Variants in BLK observed in about 807,000 individuals in gnomAD.
BLK encodes tyrosine-protein kinase Blk.
A neutral mutation model predicts 61.8 loss-of-function variants in BLK; 64 were observed. The observed-to-expected ratio is 1.03, with a 90% CI of 0.85 to 1.27. The LOEUF is 1.27. BLK is among the 50% of genes most tolerant of loss of function. BLK has a pLI of 0.00. For synonymous variants in BLK, 351 were observed against 272.0 expected (o/e 1.29, Z -2.86); for missense variants, 853 against 660.5 (o/e 1.29, Z -3.19).
intron 1 of BLK, among the ~76,000 whole-genome samples, chr8:11,542,116 T>C (rs1247768958): frequency 6.6e-6 from 1 of 152,236 alleles, no homozygotes; most frequent in Non-Finnish European, 1.5e-5. Flanking sequence ...TTCAGCTCTC[T>C]GGAAGAAATG....
chr8:11,552,206 C>T (rs985275895), intron 6 of BLK, among the ~76,000 whole-genome samples: 1 of 152,106 alleles, frequency 6.6e-6, no homozygotes, highest in African/African-American at 2.4e-5. Context: ...AGTGGAAACC[C>T]AGAGTATGAA....
chr8:11,522,412 G>A (rs773674894), intron 1 of BLK, among the ~76,000 whole-genome samples: 7 of 152,154 alleles, frequency 4.6e-5, no homozygotes, highest in Non-Finnish European at 8.8e-5. Flanking sequence ...ATTGCTGGTG[G>A]GATGATAAAT....
intron 1 of BLK, among the ~76,000 whole-genome samples, chr8:11,520,293 A>G (rs1164957589): frequency 2.6e-5 from 4 of 151,978 alleles, no homozygotes; most frequent in Admixed American, 2.0e-4. Context: ...TGTGGTCAAC[A>G]TGGTGAAAAC....
intron 1 of BLK, among the ~76,000 whole-genome samples, chr8:11,517,427 G>A (rs1799271687): frequency 6.6e-6 from 1 of 152,196 alleles, no homozygotes; most frequent in Non-Finnish European, 1.5e-5. Context: ...AGCACTTGGT[G>A]ACATTGTCAG....
rs1800611560 is a variant in BLK, at chr8:11,545,887, T to TC, written c.124-162dup. 5.1e-6 allele frequency: 4 copies of TC among 783,960 alleles called. No homozygotes were observed. The South Asian group carries it at 5.8e-5, about 11-fold the overall frequency. The allele number at this position is 783,960 out of a possible 1,614,324, so 48.6% of individuals were successfully genotyped here. ...GGGGTCTGTCTGAGGGTAGTGCTGG[T>TC]CCCTGGGTACAGAATGTCCCTGAGC... is the stretch of plus-strand genomic sequence containing the variant. On this transcript the variant is annotated intron_variant, in intron 2 of 12. Transcript: ENST00000259089.
In BLK at chr8:11,555,402, C is replaced by A; in HGVS notation, c.690C>A (p.Ala230=). 6.2e-7 allele frequency: 1 copy of A among 1,614,134 alleles called. No individual in the cohort carries two copies. The highest frequency in any genetic ancestry group is 8.5e-7 in the Non-Finnish European group (1 of 1,180,016). ...GCCCGGCCCCGCAGAATCCCTGGGC[C>A]CAGGATGAATGGGAGATCCCCCGGC... ...CVRPAPQNPW[A]QDEWEIPRQS... Residue 230 remains alanine (A), a synonymous_variant, in exon 8 of 13, where the codon GCC becomes GCA. Transcript: ENST00000259089.
chr8:11,562,709 A>T (rs1181730322), intron 11 of BLK, among the ~76,000 whole-genome samples: 1 of 152,232 alleles, frequency 6.6e-6, no homozygotes, highest in South Asian at 2.1e-4. Flanking sequence ...CATTGAGGCC[A>T]TCGCTCTCTT....
intron 11 of BLK, among the ~76,000 whole-genome samples, chr8:11,562,327 G>C (rs1411673456): frequency 6.6e-6 from 1 of 152,204 alleles, no homozygotes; most frequent in Non-Finnish European, 1.5e-5. Context: ...CTAGCAAGCA[G>C]TGTCTGCTGA....
intron 1 of BLK, among the ~76,000 whole-genome samples, chr8:11,514,450 C>A (rs1357344366): frequency 6.6e-6 from 1 of 152,258 alleles, no homozygotes; most frequent in Non-Finnish European, 1.5e-5. Context: ...TGAGGCCCAG[C>A]AGGCCATCCC....
chr8:11,526,530 G>C (rs1799657220), intron 1 of BLK, among the ~76,000 whole-genome samples: 2 of 152,068 alleles, frequency 1.3e-5, no homozygotes, highest in Admixed American at 1.3e-4. Flanking sequence ...ACCAGCCTGG[G>C]CAAAATGATG....
intron 1 of BLK, among the ~76,000 whole-genome samples, chr8:11,524,074 T>G (rs182554044): frequency 6.6e-6 from 1 of 152,358 alleles, no homozygotes; most frequent in East Asian, 1.9e-4. Context: ...ACTGTGGGTT[T>G]ATTTATAACA....
chr8:11,525,622 G>A (rs1014380618), intron 1 of BLK, among the ~76,000 whole-genome samples: 11 of 152,094 alleles, frequency 7.2e-5, no homozygotes, highest in African/African-American at 2.7e-4. Context: ...AGTTATCCAT[G>A]AATATTGTTT....
intron 1 of BLK, among the ~76,000 whole-genome samples, chr8:11,500,800 A>G (rs1798528719): frequency 6.6e-6 from 1 of 152,176 alleles, no homozygotes; most frequent in Non-Finnish European, 1.5e-5. Flanking sequence ...GGCATGAGTG[A>G]CCATGCCTGG....
At chr8:11,522,911 GA>G (rs1799512171) in intron 1 of BLK, among the ~76,000 whole-genome samples, 1 of 152,098 alleles carries the variant, frequency 6.6e-6, no homozygotes, top group South Asian at 2.1e-4. Flanking sequence ...ATTAATTTTG[GA>G]GAGAAAGAGA....
intron 1 of BLK, among the ~76,000 whole-genome samples, chr8:11,519,637 T>C (rs1799362578): frequency 6.6e-6 from 1 of 152,228 alleles, no homozygotes; most frequent in African/African-American, 2.4e-5. Context: ...GAGAACTTTA[T>C]TTACATTTTC....
intron 5 of BLK, chr8:11,549,902 A>G (rs1023326530): frequency 2.2e-5 from 11 of 509,132 alleles, no homozygotes; most frequent in Non-Finnish European, 3.9e-5. Context: ...AAATTAACAA[A>G]GGTCAACCAA....
chr8:11,543,080 C>T (rs1388520318), intron 1 of BLK, 144 bp from the exon 2 acceptor site: 15 of 1,268,172 alleles, frequency 1.2e-5, no homozygotes, highest in Admixed American at 2.0e-5. Flanking sequence ...CTTCTACCCA[C>T]GTTCTGACTT....
chr8:11,548,899 G>A lies in BLK; in HGVS notation c.270-125G>A, dbSNP rs76578315. On this transcript the variant is annotated intron_variant, in intron 4 of 12. Transcript: ENST00000259089. Reference sequence around the variant, plus strand: ...GGGCACAAGCCCCTTCCTGCCTGCCGTACTCTCTACCCCTGCGGATTCTCT... The same window carrying A: ...GGGCACAAGCCCCTTCCTGCCTGCCATACTCTCTACCCCTGCGGATTCTCT... 15,639 of 880,276 alleles carry A rather than the reference G, an allele frequency of 0.018. 233 individuals are homozygous for A. Among genetic ancestry groups the A allele is most frequent in the African/African-American group, 0.058 (3,512 of 60,216 alleles). 54.5% of individuals were successfully genotyped at this position (880,276 alleles called of 1,614,324 possible).
At chr8:11,506,596 G>A (rs1476016476) in intron 1 of BLK, among the ~76,000 whole-genome samples, 1 of 152,214 alleles carries the variant, frequency 6.6e-6, no homozygotes, top group East Asian at 1.9e-4. Flanking sequence ...CTGTTGGGGA[G>A]AGGAAACTGA....
Sources: gnomAD v4.1 joint callset for allele counts (sites outside exome capture counted in the v4.1 genomes callset) on GRCh38, gnomAD v4.1.1 for gene constraint, MANE v1.5 for transcripts, NCBI Gene and HGNC (gene_info 2026-07-23, HGNC 2026-07-21) for gene names.